The following ERP44 variants were observed in gnomAD, a reference collection of about 807,000 sequenced individuals.
ERP44 encodes endoplasmic reticulum protein 44.
ERP44 carries 25 observed loss-of-function variants against 53.4 expected under a neutral mutation model. The ratio of observed to expected loss-of-function variants is 0.47; its 90% CI spans 0.34 to 0.65. The LOEUF is 0.65. Ranked by LOEUF, ERP44 falls within the 30% of genes least tolerant of loss-of-function variation. The pLI is 0.01. For missense variants in ERP44, 338 were observed against 493.2 expected (o/e 0.69, Z 2.98); for synonymous variants, 145 against 161.2 (o/e 0.90, Z 0.76).
At chr9:99,999,832 T>G (rs1830358868) in intron 10 of ERP44, among the ~76,000 whole-genome samples, 1 of 152,248 alleles carries the variant, frequency 6.6e-6, no homozygotes, top group South Asian at 2.1e-4. Context: ...GTCTTTAATC[T>G]ATTTTGAGAT....
intron 1 of ERP44, among the ~76,000 whole-genome samples, chr9:100,084,022 TG>T (rs1826455458): frequency 6.6e-6 from 1 of 152,096 alleles, no homozygotes; most frequent in Admixed American, 6.6e-5. Context: ...ATGGAACTAC[TG>T]GAGCATAAAA....
intron 10 of ERP44, among the ~76,000 whole-genome samples, chr9:99,992,069 G>A (rs1312741149): frequency 6.6e-6 from 1 of 152,176 alleles, no homozygotes; most frequent in Non-Finnish European, 1.5e-5. Context: ...CGGATTCACA[G>A]CCGACTTCTA....
intron 4 of ERP44, among the ~76,000 whole-genome samples, chr9:100,029,158 CAA>C (rs36038673): frequency 7.1e-6 from 1 of 140,528 alleles, no homozygotes; most frequent in African/African-American, 2.6e-5. Context: ...AATGCACAGG[CAA>C]AAAAAAAAGC....
chr9:99,995,170 G>C (rs567435295), intron 10 of ERP44, among the ~76,000 whole-genome samples: 1 of 151,404 alleles, frequency 6.6e-6, no homozygotes, highest in African/African-American at 2.4e-5. Context: ...TCTTTGTATA[G>C]AAATAAAAGT....
Position 99,979,874 on chromosome 9 carries a change from C to G in ERP44, c.*2738G>C, listed in dbSNP as rs1830129879. On this transcript the variant is annotated 3_prime_UTR_variant, in exon 12 of 12. Coordinates refer to ENST00000262455, the MANE Select transcript of ERP44 (RefSeq NM_015051.3). Reference sequence around the variant, plus strand: ...TCAAACTTTAAAGTGAACATACTTCCTTGCTTGCAATCTGTTGATGGATCT... The same window carrying G: ...TCAAACTTTAAAGTGAACATACTTCGTTGCTTGCAATCTGTTGATGGATCT... The G allele has an allele frequency of 2.5e-6, 1 of 398,124 alleles. No homozygotes were observed. The highest frequency in any genetic ancestry group is 2.1e-5 in the African/African-American group (1 of 48,620). The allele number at this position is 398,124 out of a possible 1,614,324, so 24.7% of individuals were successfully genotyped here.
At chr9:99,990,602 T>A (rs1260730497) in intron 10 of ERP44, among the ~76,000 whole-genome samples, 2 of 151,766 alleles carry the variant, frequency 1.3e-5, no homozygotes, top group Non-Finnish European at 2.9e-5. Context: ...AGAAACTGCA[T>A]CAACTAATGA....
intron 1 of ERP44, among the ~76,000 whole-genome samples, chr9:100,095,704 A>G (rs1464562819): frequency 6.6e-6 from 1 of 152,152 alleles, no homozygotes; most frequent in Non-Finnish European, 1.5e-5. Flanking sequence ...AGATGATTCT[A>G]ATGAGCAGCC....
intron 7 of ERP44, 60 bp from the exon 8 acceptor site, chr9:100,016,498 AT>A (rs1439912992): frequency 4.9e-5 from 73 of 1,490,520 alleles, no homozygotes; most frequent in Admixed American, 1.2e-4. Context: ...GTATATTCTT[AT>A]TTTTTTTCTT....
At chr9:100,084,210 T>C (rs952476252) in intron 1 of ERP44, among the ~76,000 whole-genome samples, 2 of 152,176 alleles carry the variant, frequency 1.3e-5, no homozygotes, top group African/African-American at 4.8e-5. Context: ...TAGCCTCCAG[T>C]ATGTCAGACA....
intron 1 of ERP44, among the ~76,000 whole-genome samples, chr9:100,084,181 A>G (rs540123450): frequency 9.2e-5 from 14 of 152,342 alleles, no homozygotes; most frequent in African/African-American, 3.4e-4. Flanking sequence ...AGTCACTTAA[A>G]AAGTTAAATC....
intron 4 of ERP44, among the ~76,000 whole-genome samples, chr9:100,047,809 G>A (rs756309411): frequency 6.6e-6 from 1 of 152,114 alleles, no homozygotes; most frequent in South Asian, 2.1e-4. Flanking sequence ...TATAGAACAG[G>A]AGAATTTATT....
At chr9:100,032,564 GTGTTCTAAAAT>G (rs1269862066) in intron 4 of ERP44, among the ~76,000 whole-genome samples, 3 of 152,182 alleles carry the variant, frequency 2.0e-5, no homozygotes, top group Non-Finnish European at 4.4e-5. Flanking sequence ...TTACTGGTAT[GTGTTCTAAAAT>G]TATAAGAAAC....
At chr9:100,040,076 G>A (rs1825886005) in intron 4 of ERP44, among the ~76,000 whole-genome samples, 1 of 152,028 alleles carries the variant, frequency 6.6e-6, no homozygotes, top group Non-Finnish European at 1.5e-5. Context: ...TTTCACTGCT[G>A]AATCCTCCCA....
intron 1 of ERP44, among the ~76,000 whole-genome samples, chr9:100,088,321 T>C (rs968776824): frequency 1.3e-5 from 2 of 152,382 alleles, no homozygotes; most frequent in Non-Finnish European, 2.9e-5. Flanking sequence ...ACAATCACGC[T>C]GCTCTCCTTG....
At chr9:100,084,252 A>T (rs933349197) in intron 1 of ERP44, among the ~76,000 whole-genome samples, 3 of 152,208 alleles carry the variant, frequency 2.0e-5, no homozygotes, top group African/African-American at 7.2e-5. Context: ...CTTTCTAACT[A>T]CAAACTTAAA....
Position 100,089,241 on chromosome 9 carries a change from A to G in ERP44, c.57+9543T>C, listed in dbSNP as rs536136659. Among the ~76,000 whole-genome samples the G allele has an allele frequency of 7.9e-5, 12 of 152,278 alleles. No homozygotes were observed. The East Asian group carries it at 1.9e-3, about 24-fold the overall frequency. On this transcript the variant is annotated intron_variant, in intron 1 of 11. Coordinates refer to ENST00000262455, the MANE Select transcript of ERP44 (RefSeq NM_015051.3). The stretch of plus-strand genomic sequence containing the variant: ...TGTTCAAAAACCCATACTTTACTTA[A>G]TAATGGCTCCAAAGCACAAGAGTAG...
intron 1 of ERP44, among the ~76,000 whole-genome samples, chr9:100,091,072 A>C (rs1826550057): frequency 6.6e-6 from 1 of 152,112 alleles, no homozygotes. Flanking sequence ...ATACTACTAC[A>C]ATGTTTTTCT....
chr9:100,069,385 C>G (rs1162142578), intron 1 of ERP44, among the ~76,000 whole-genome samples: 1 of 151,982 alleles, frequency 6.6e-6, no homozygotes, highest in Non-Finnish European at 1.5e-5. Context: ...GCCTGCTCTA[C>G]TTACTGTGCA....
At chr9:100,042,287 G>A (rs1348070269) in intron 4 of ERP44, among the ~76,000 whole-genome samples, 1 of 152,130 alleles carries the variant, frequency 6.6e-6, no homozygotes, top group African/African-American at 2.4e-5. Flanking sequence ...ACATACAAAT[G>A]GGAAACAGGT....
Sources: allele counts gnomAD v4.1 joint callset (sites outside exome capture counted in the v4.1 genomes callset), GRCh38; gene constraint gnomAD v4.1.1; transcripts MANE v1.5; gene names NCBI Gene and HGNC (gene_info 2026-07-23, HGNC 2026-07-21).